The following OSBPL11 variants were observed in gnomAD, a reference collection of about 807,000 sequenced individuals.
The protein encoded by OSBPL11 is oxysterol binding protein like 11.
In OSBPL11, 33 loss-of-function variants were observed where a neutral mutation model predicts 84.4. The ratio of observed to expected loss-of-function variants is 0.39; its 90% confidence interval spans 0.30 to 0.52. The LOEUF (loss-of-function observed/expected upper bound fraction) is 0.52. Ranked by LOEUF, OSBPL11 falls within the 20% of genes least tolerant of loss-of-function variation. OSBPL11 has a pLI of 0.72. For synonymous variants in OSBPL11, 276 were observed against 310.2 expected, an observed-to-expected ratio of 0.89 and a Z score of 1.16; for missense variants, 736 against 901.1, an observed-to-expected ratio of 0.82 and a Z score of 2.35.
intron 11 of OSBPL11, among the ~76,000 whole-genome samples, chr3:125,537,382 A>C (rs1243433308): frequency 4.6e-5 from 7 of 152,102 alleles, no homozygotes; most frequent in Admixed American, 4.6e-4. Context: ...ATAAGAGCCC[A>C]CAGAGTGAAA....
chr3:125,580,684 G>C (rs562138545), intron 2 of OSBPL11, among the ~76,000 whole-genome samples: 53 of 152,236 alleles, frequency 3.5e-4, no homozygotes, highest in African/African-American at 1.2e-3. Flanking sequence ...TTCATTAACA[G>C]AGGGTAAACT....
chr3:125,538,039 C>T (rs78467397), intron 11 of OSBPL11, among the ~76,000 whole-genome samples: 14,114 of 152,140 alleles, frequency 0.093, 743 homozygotes, highest in African/African-American at 0.12. Flanking sequence ...TCTAATTACC[C>T]TAAACAATTT....
intron 2 of OSBPL11, among the ~76,000 whole-genome samples, chr3:125,581,695 CAAAAAA>C (rs1189619626): frequency 1.1e-3 from 71 of 63,836 alleles, no homozygotes; most frequent in African/African-American, 3.6e-3. Context: ...GACTCCATCT[CAAAAAA>C]AAAAAAAAAA....
At position 125,567,468 on chromosome 3, in the gene OSBPL11, A is replaced by G; in HGVS notation, c.794T>C (p.Met265Thr). ...LMLKATSMAT[M>T]NCLNDCFHIL... ...ATGAAAGCAGTCATTTAAGCAGTTC[A>G]TAGTTGCCATGGAAGTAGCTTTGAG... is the stretch of plus-strand genomic sequence containing the variant. Residue 265 changes from methionine to threonine, a missense_variant, in exon 6 of 13, where the codon ATG (methionine) becomes ACG (threonine). Met to Thr is a moderately conservative substitution (Grantham distance 81). This residue lies in a region of OSBPL11 where 579 missense variants were observed against 717.6 expected (regional missense o/e 0.81). Coordinates refer to ENST00000296220, the MANE Select transcript of OSBPL11 (RefSeq NM_022776.5). The G allele has an allele frequency of 6.2e-7, 1 of 1,614,206 alleles. No homozygotes were observed. The highest frequency in any genetic ancestry group is 2.2e-5 in the East Asian group (1 of 44,882).
At chr3:125,578,410 A>AT (rs1267298149) in intron 4 of OSBPL11, among the ~76,000 whole-genome samples, 1 of 151,784 alleles carries the variant, frequency 6.6e-6, no homozygotes, top group Non-Finnish European at 1.5e-5. Flanking sequence ...CGGATTTTTT[A>AT]TTTTTTTTGT....
intron 3 of OSBPL11, among the ~76,000 whole-genome samples, chr3:125,579,365 G>T (rs1936385524): frequency 6.6e-6 from 1 of 152,158 alleles, no homozygotes; most frequent in Non-Finnish European, 1.5e-5. Flanking sequence ...AATACTTTCA[G>T]ATCTGCAGGA....
At position 125,528,864 on chromosome 3, in the gene OSBPL11, G is replaced by A. The variant is rs1935514868; in HGVS notation, c.*1651C>T. The stretch of plus-strand genomic sequence containing the variant: ...AAAAGAGACAGAAGCATTATTGTTT[G>A]TTCTCTAGTTTTATTATTTGTCAAT... On this transcript the variant is annotated 3_prime_UTR_variant, in exon 13 of 13. Coordinates refer to ENST00000296220, the MANE Select transcript of OSBPL11 (RefSeq NM_022776.5). 1 of 152,622 alleles carries A rather than the reference G, an allele frequency of 6.6e-6. No individual in the cohort carries two copies. The highest frequency in any genetic ancestry group is 6.5e-5 in the Admixed American group (1 of 15,278). The allele number at this position is 152,622 out of a possible 1,614,324, so 9.5% of individuals were successfully genotyped here. A position where few individuals can be genotyped will look rare whatever the true frequency, so the allele number is the denominator to read the frequency against.
rs528383434 is a variant in OSBPL11 at position 125,547,492 on chromosome 3, G to C, written c.1755C>G (p.Gly585=). The change falls in exon 10 of 13, where the codon GGC becomes GGG. Residue 585 remains glycine (G), a synonymous_variant. Coordinates refer to ENST00000296220, the MANE Select transcript of OSBPL11 (RefSeq NM_022776.5). ...TTTTTGCACAGTTGACACTGACTTT[G>C]CCACCCAGTTCTACCCAAGGAACAG... The part of the protein sequence containing the change: ...ILTVPWVELG[G]KVSVNCAKTG... 6.2e-7 allele frequency: 1 copy of C among 1,614,000 alleles called. No individual in the cohort carries two copies. Among genetic ancestry groups the C allele is most frequent in the South Asian group, 1.1e-5 (1 of 91,068 alleles).
At chr3:125,537,028 T>C (rs1935648987) in intron 11 of OSBPL11, among the ~76,000 whole-genome samples, 1 of 151,390 alleles carries the variant, frequency 6.6e-6, no homozygotes, top group Admixed American at 6.6e-5. Context: ...GGCGTGGTGG[T>C]CGATGCCTGC....
intron 9 of OSBPL11, among the ~76,000 whole-genome samples, chr3:125,550,191 T>C (rs1250172353): frequency 1.3e-5 from 2 of 151,850 alleles, no homozygotes; most frequent in African/African-American, 4.8e-5. Flanking sequence ...TTGGGCAACA[T>C]GGCAAAAATC....
intron 1 of OSBPL11, among the ~76,000 whole-genome samples, chr3:125,593,348 G>C (rs1314069003): frequency 6.6e-6 from 1 of 152,136 alleles, no homozygotes; most frequent in African/African-American, 2.4e-5. Flanking sequence ...GGCCAGGCGC[G>C]GTGGCTCAAG....
chr3:125,548,249 T>C (rs770177663), intron 9 of OSBPL11, among the ~76,000 whole-genome samples: 4 of 152,194 alleles, frequency 2.6e-5, no homozygotes, highest in Non-Finnish European at 5.9e-5. Context: ...ATTTTATCAT[T>C]AGTATGAATA....
intron 8 of OSBPL11, among the ~76,000 whole-genome samples, chr3:125,559,367 C>G (rs1284079895): frequency 6.6e-6 from 1 of 152,174 alleles, no homozygotes; most frequent in Non-Finnish European, 1.5e-5. Flanking sequence ...TGCCAGACAA[C>G]TTCCTGCTGC....
At chr3:125,545,179 C>T (rs1040025322) in intron 10 of OSBPL11, among the ~76,000 whole-genome samples, 1 of 152,180 alleles carries the variant, frequency 6.6e-6, no homozygotes, top group Non-Finnish European at 1.5e-5. Context: ...GAAGAAGACA[C>T]TGTCTGTTAT....
At position 125,536,482 on chromosome 3, in the gene OSBPL11, T is replaced by C. The variant is rs1935641292; in HGVS notation, c.2024+1969A>G. ...TATTTTAAAAAATCACGTTCAATAA[T>C]ATAAGCACCAAGTTCACCAGAAAAC... On this transcript the variant is annotated intron_variant, in intron 11 of 12. Coordinates refer to ENST00000296220, the MANE Select transcript of OSBPL11 (RefSeq NM_022776.5). Among the ~76,000 whole-genome samples, 5 of 152,284 alleles carry C rather than the reference T, an allele frequency of 3.3e-5. No homozygotes were observed. The South Asian group carries it at 8.3e-4, about 25-fold the overall frequency.
Position 125,529,153 on chromosome 3 carries a change from T to A in OSBPL11, c.*1362A>T, listed in dbSNP as rs980773325. On this transcript the variant is annotated 3_prime_UTR_variant, in exon 13 of 13. Coordinates refer to ENST00000296220, the MANE Select transcript of OSBPL11 (RefSeq NM_022776.5). Reference sequence around the variant, plus strand: ...CCTACAATGGCTGATAAACAACAGGTATGTTACACACACTGATTGGAAGAC... The same window carrying A: ...CCTACAATGGCTGATAAACAACAGGAATGTTACACACACTGATTGGAAGAC... The A allele has an allele frequency of 2.6e-5, 4 of 152,608 alleles. No homozygotes were observed. The highest frequency in any genetic ancestry group is 4.8e-5 in the African/African-American group (2 of 41,430). The allele number at this position is 152,608 out of a possible 1,614,324, so 9.5% of individuals were successfully genotyped here. A position where few individuals can be genotyped will look rare whatever the true frequency, so the allele number is the denominator to read the frequency against.
At chr3:125,533,653 A>G (rs942388882) in intron 11 of OSBPL11, among the ~76,000 whole-genome samples, 2 of 152,234 alleles carry the variant, frequency 1.3e-5, no homozygotes, top group Non-Finnish European at 2.9e-5. Flanking sequence ...ATGAATTTAT[A>G]AGGAATTCTC....
chr3:125,563,611 G>A, intron 7 of OSBPL11, 87 bp downstream of exon 7: 2 of 1,304,680 alleles, frequency 1.5e-6, no homozygotes, highest in African/African-American at 1.5e-5. Context: ...AAGTTGATGT[G>A]CATGAGCTGA....
chr3:125,531,741 T>C (rs1474984000), intron 12 of OSBPL11, 120 bp downstream of exon 12: 6 of 986,884 alleles, frequency 6.1e-6, no homozygotes, highest in Non-Finnish European at 8.6e-6. Context: ...GGTATTTATA[T>C]ACAGCCATAC....
Sources: gnomAD v4.1 joint callset for allele counts (sites outside exome capture counted in the v4.1 genomes callset) on GRCh38, gnomAD v4.1.1 for gene constraint, gnomAD v4.1.1 regional missense constraint, MANE v1.5 for transcripts, NCBI Gene and HGNC (gene_info 2026-07-23, HGNC 2026-07-21) for gene names.